Variants in WDR87 observed in about 807,000 individuals in gnomAD.
WDR87 encodes WD repeat-containing protein 87.
Under a neutral mutation model 83.3 loss-of-function variants are expected in WDR87, and 56 were observed. The ratio of observed to expected loss-of-function variants is 0.67; its 90% CI spans 0.54 to 0.84. The LOEUF is 0.84. Among genes scored for constraint, WDR87 ranks in the 40% least tolerant of loss-of-function variants. The probability of loss-of-function intolerance (pLI) is 0.00; values close to 1 mark genes in which losing one functional copy is unlikely to be tolerated. For missense variants in WDR87, 2,939 were observed against 3,431.9 expected, an observed-to-expected ratio of 0.86 and a Z score of 3.59; for synonymous variants, 1,173 against 1,250.6, an observed-to-expected ratio of 0.94 and a Z score of 1.31.
chr19:37,894,261 T>C lies in WDR87; in HGVS notation c.1442A>G (p.His481Arg), dbSNP rs868384081. Residue 481 changes from histidine (H) to arginine (R), a missense_variant, in exon 4 of 6, where the codon CAC (histidine) becomes CGC (arginine). By Grantham distance (29) the His-to-Arg change is conservative. Coordinates refer to ENST00000447313, the MANE Select transcript of WDR87 (RefSeq NM_001291088.2). ...GAGCACTCTTATCACACCACTCTGG[T>C]GCCCAGAGAATATCAGTCCCTCTAG... Reference protein sequence around the residue: ...RGLEGLIFSGHQSGVIRVLSQ... With the variant: ...RGLEGLIFSGRQSGVIRVLSQ... The C allele has an allele frequency of 6.4e-7, 1 of 1,551,778 alleles. No homozygotes were observed. Among genetic ancestry groups the C allele is most frequent in the African/African-American group, 1.4e-5 (1 of 73,158 alleles).
rs1568450079 is a variant in WDR87, at chr19:37,888,754, C to A, written c.4917G>T (p.Glu1639Asp). Residue 1639 changes from glutamate to aspartate, a missense_variant, in exon 6 of 6, where the codon GAG becomes GAT. Around this residue, in one of 3 missense-constraint regions of WDR87, gnomAD observed 2,160 missense variants for 2,533.1 expected, o/e 0.85. Transcript: ENST00000447313. ...QEERKLAQEE[E>D]KLAQEERQLA... is the part of the protein sequence containing the mutation. ...ACTGTCTCTCTTCTTGTGCAAGTTT[C>A]TCTTCTTCTTGTGCTAATTTCCTCT... The A allele has an allele frequency of 6.4e-7, 1 of 1,551,840 alleles. No homozygotes were observed. Among genetic ancestry groups the A allele is most frequent in the Non-Finnish European group, 8.7e-7 (1 of 1,147,058 alleles).
At chr19:37,902,337 C>T (rs1045913691) in intron 1 of WDR87, among the ~76,000 whole-genome samples, 1 of 152,074 alleles carries the variant, frequency 6.6e-6, no homozygotes, top group Admixed American at 6.6e-5. Flanking sequence ...GCCTCAGCCT[C>T]CTGAGTAGCT....
rs2046162449 is a variant in WDR87 at position 37,887,721 on chromosome 19, G to T, written c.5950C>A (p.Gln1984Lys). ...MKLALEKAMV[Q>K]GKKRLRGELD... ...TCTCCTCTGAGCCGTTTCTTTCCTT[G>T]GACCATTGCCTTCTCCAGAGCTAAT... Residue 1984 changes from glutamine to lysine, a missense_variant, in exon 6 of 6, where the codon CAA becomes AAA. Physicochemically the swap from Gln to Lys is moderately conservative, Grantham distance 53. Around this residue, in one of 3 missense-constraint regions of WDR87, gnomAD observed 2,160 missense variants for 2,533.1 expected, o/e 0.85. Coordinates refer to ENST00000447313, the MANE Select transcript of WDR87 (RefSeq NM_001291088.2). 6.4e-7 allele frequency: 1 copy of T among 1,551,626 alleles called. No homozygotes were observed. Among genetic ancestry groups the T allele is most frequent in the African/African-American group, 1.4e-5 (1 of 72,892 alleles).
rs897154786 is a variant in WDR87 at position 37,892,549 on chromosome 19, G to A, written c.3125+29C>T. 7 of 1,454,610 alleles carry A rather than the reference G, an allele frequency of 4.8e-6. No homozygotes were observed. The African/African-American group carries it at 1.0e-4, about 21-fold the overall frequency. 90.1% of individuals were successfully genotyped at this position (1,454,610 alleles called of 1,614,324 possible). On this transcript the variant is annotated intron_variant, in intron 4 of 5. Coordinates refer to ENST00000447313, the MANE Select transcript of WDR87 (RefSeq NM_001291088.2). The stretch of plus-strand genomic sequence containing the variant: ...AAGGAGGGGGAAAATGGCGAATGGG[G>A]TGAAGAATTGAAGGAAGCACAAACT...
chr19:37,895,998 G>T, intron 3 of WDR87, 140 bp downstream of exon 3: 1 of 1,172,474 alleles, frequency 8.5e-7, no homozygotes, highest in Non-Finnish European at 1.2e-6. Flanking sequence ...GACTATAATT[G>T]GAGAAAGGAT....
chr19:37,886,740 C>T lies in WDR87; in HGVS notation c.6931G>A (p.Glu2311Lys). The change falls in exon 6 of 6, where the codon GAG becomes AAG. Residue 2311 changes from glutamate (E) to lysine (K), a missense_variant. Physicochemically the swap from Glu to Lys is moderately conservative, Grantham distance 56 (BLOSUM62 1). Transcript: ENST00000447313. ...EREEEEERKE[E>K]EEGEEKQVEK... The stretch of plus-strand genomic sequence containing the variant: ...ACTTGCTTCTCCTCCCCTTCCTCCT[C>T]CTCCTTCCTTTCCTCCTCCTCCTCC... 11 of 1,457,136 alleles carry T rather than the reference C, an allele frequency of 7.5e-6. No individual in the cohort carries two copies. The highest frequency in any genetic ancestry group is 1.0e-5 in the Non-Finnish European group (11 of 1,078,950). 90.3% of individuals were successfully genotyped at this position (1,457,136 alleles called of 1,614,324 possible).
rs531469861 is a variant in WDR87 at position 37,894,817 on chromosome 19, G to C, written c.886C>G (p.His296Asp). 6.4e-7 allele frequency: 1 copy of C among 1,551,702 alleles called. No homozygotes were observed. The highest frequency in any genetic ancestry group is 2.4e-5 in the East Asian group (1 of 40,920). ...TCACTACCAGCTGTTAGCAGGGTGT[G>C]GGCCTCTGGTCGGCTGCGGATACAG... ...VICIRSRPEA[H>D]TLLTAGSDSL... The change falls in exon 4 of 6, where the codon CAC (histidine) becomes GAC (aspartate). Residue 296 changes from histidine (H) to aspartate (D), a missense_variant. Physicochemically the swap from His to Asp is moderately conservative, Grantham distance 81 (BLOSUM62 -1). Around this residue, in one of 3 missense-constraint regions of WDR87, gnomAD observed 553 missense variants for 577.9 expected, o/e 0.96. Coordinates refer to ENST00000447313, the MANE Select transcript of WDR87 (RefSeq NM_001291088.2).
Position 37,888,502 on chromosome 19 carries a change from C to T in WDR87, c.5169G>A (p.Gly1723=). The change falls in exon 6 of 6, where the codon GGG becomes GGA. Residue 1723 remains glycine, a synonymous_variant. Coordinates refer to ENST00000447313, the MANE Select transcript of WDR87 (RefSeq NM_001291088.2). ...ATATGTTTTTCACCTCAGCCAGTTT[C>T]CCTCCTTTCTTTGCTAGTTTCTCTT... ...REEEKLAKKG[G]KLAEVKNILA... The T allele has an allele frequency of 6.4e-7, 1 of 1,551,668 alleles. No individual in the cohort carries two copies. Among genetic ancestry groups the T allele is most frequent in the Non-Finnish European group, 8.7e-7 (1 of 1,146,980 alleles).
rs761669432 is a variant in WDR87, at chr19:37,891,753, G to C, written c.3193C>G (p.Leu1065Val). ...LGMRATDLQI[L>V]STQVEQRLNE... is the part of the protein sequence containing the mutation. ...AATCTCTGCTCCACTTGAGTGGAAA[G>C]GATTTGGAGATCTGTGGCCCGCATC... Residue 1065 changes from leucine (L) to valine (V), a missense_variant, in exon 5 of 6, where the codon CTT (leucine) becomes GTT (valine). Leu to Val is a conservative substitution (Grantham distance 32). Around this residue, in one of 3 missense-constraint regions of WDR87, gnomAD observed 2,160 missense variants for 2,533.1 expected, o/e 0.85. Transcript: ENST00000447313. 3 of 1,552,232 alleles carry C rather than the reference G, an allele frequency of 1.9e-6. No individual in the cohort carries two copies. Among genetic ancestry groups the C allele is most frequent in the Non-Finnish European group, 2.6e-6 (3 of 1,147,126 alleles).
chr19:37,905,726 T>A (rs764058775), intron 1 of WDR87, among the ~76,000 whole-genome samples: 3 of 152,126 alleles, frequency 2.0e-5, no homozygotes, highest in Non-Finnish European at 4.4e-5. Flanking sequence ...TAGCTAGTTT[T>A]TTAGTTTTAG....
Position 37,895,409 on chromosome 19 carries a change from T to C in WDR87, c.294A>G (p.Arg98=). The C allele has an allele frequency of 6.4e-7, 1 of 1,551,696 alleles. No homozygotes were observed. The highest frequency in any genetic ancestry group is 8.7e-7 in the Non-Finnish European group (1 of 1,147,012). Residue 98 remains arginine, a synonymous_variant, in exon 4 of 6, where the codon AGA becomes AGG. Transcript: ENST00000447313. ...GCAATCGTTCAGTCATGGAGAATGTTCTTTTCTCAACCATGTCCTCAGTTT... is the reference window on the plus strand; with the variant it reads ...GCAATCGTTCAGTCATGGAGAATGTCCTTTTCTCAACCATGTCCTCAGTTT... ...KSKTEDMVEK[R]TFSMTERLPP...
At chr19:37,899,918 C>G (rs2046283404) in intron 1 of WDR87, among the ~76,000 whole-genome samples, 1 of 152,222 alleles carries the variant, frequency 6.6e-6, no homozygotes, top group Non-Finnish European at 1.5e-5. Flanking sequence ...ACCGTTGCAC[C>G]TTGCTTCAAC....
At position 37,885,964 on chromosome 19, in the gene WDR87, A is replaced by G; in HGVS notation, c.7707T>C (p.His2569=). Residue 2569 remains histidine (H), a synonymous_variant, in exon 6 of 6, where the codon CAT becomes CAC. Transcript: ENST00000447313. The stretch of plus-strand genomic sequence containing the variant: ...CTCCCGCTTCCATTCGTTCTAGGAC[A>G]TGGCGGATCCACTCTACATCTGAGA... ...VSLSDVEWIR[H]VLERMEAGEQ... The G allele has an allele frequency of 6.4e-7, 1 of 1,552,180 alleles. No homozygotes were observed. The highest frequency in any genetic ancestry group is 8.7e-7 in the Non-Finnish European group (1 of 1,147,090).
chr19:37,893,148 T>C lies in WDR87; in HGVS notation c.2555A>G (p.Glu852Gly). The change falls in exon 4 of 6, where the codon GAG becomes GGG. Residue 852 changes from glutamate to glycine, a missense_variant. This residue lies in a region of WDR87 where 2,160 missense variants were observed against 2,533.1 expected (regional missense o/e 0.85). Transcript: ENST00000447313. ...LQCNLHAPQR[E>G]LEWDRSQEFF... ...TTCTTGAGACCTGTCCCATTCCAGC[T>C]CCCGCTGGGGTGCATGCAGGTTGCA... The C allele has an allele frequency of 6.4e-7, 1 of 1,551,928 alleles. No individual in the cohort carries two copies. Among genetic ancestry groups the C allele is most frequent in the South Asian group, 1.2e-5 (1 of 84,060 alleles).
chr19:37,891,642 G>A lies in WDR87; in HGVS notation c.3304C>T (p.Leu1102=). The A allele has an allele frequency of 6.4e-7, 1 of 1,551,918 alleles. No individual in the cohort carries two copies. Among genetic ancestry groups the A allele is most frequent in the Non-Finnish European group, 8.7e-7 (1 of 1,147,050 alleles). The change falls in exon 5 of 6, where the codon CTG becomes TTG. Residue 1102 remains leucine, a synonymous_variant. Transcript: ENST00000447313. ...TCTTCAGAAACTGTAGGAGGTTTCA[G>A]GGAGGATTTAAGTTCAGAAGGCATT... ...VSMPSELKSS[L]KPPTVSEESE... is the part of the protein sequence containing the mutation.
Position 37,887,972 on chromosome 19 carries a change from A to G in WDR87, c.5699T>C (p.Leu1900Pro). The G allele has an allele frequency of 6.5e-7, 1 of 1,550,322 alleles. No individual in the cohort carries two copies. Among genetic ancestry groups the G allele is most frequent in the East Asian group, 2.4e-5 (1 of 40,896 alleles). The part of the protein sequence containing the change: ...EKLAQRKENL[L>P]YNKERLTHSK... ...GTGGGTGAGTCTTTCTTTATTATAG[A>G]GTAGGTTCTCTTTCCTCTGAGCCAA... Residue 1900 changes from leucine to proline, a missense_variant, in exon 6 of 6, where the codon CTC becomes CCC. By Grantham distance (98) the Leu-to-Pro change is moderately conservative (BLOSUM62 -3). Around this residue, in one of 3 missense-constraint regions of WDR87, gnomAD observed 2,160 missense variants for 2,533.1 expected, o/e 0.85. Transcript: ENST00000447313.
At position 37,893,666 on chromosome 19, in the gene WDR87, G is replaced by A; in HGVS notation, c.2037C>T (p.Pro679=). 1 of 1,552,032 alleles carries A rather than the reference G, an allele frequency of 6.4e-7. No individual in the cohort carries two copies. The highest frequency in any genetic ancestry group is 8.7e-7 in the Non-Finnish European group (1 of 1,147,092). Residue 679 remains proline, a synonymous_variant, in exon 4 of 6, where the codon CCC becomes CCT. Transcript: ENST00000447313. ...AGGAAAGGCGAGTCAGCAGGGCTGG[G>A]GGAAGCAATTTTAAACAGGACACTA... ...LYLVSCLKLL[P]PALLTRLSFM...
rs569600271 is a variant in WDR87 at position 37,894,782 on chromosome 19, G to A, written c.921C>T (p.Ile307=). The A allele has an allele frequency of 7.9e-5, 123 of 1,551,726 alleles. 1 individual carries two copies. The South Asian group carries it at 1.2e-3, about 15-fold the overall frequency. The change falls in exon 4 of 6, where the codon ATC becomes ATT. Residue 307 remains isoleucine (I), a synonymous_variant. Coordinates refer to ENST00000447313, the MANE Select transcript of WDR87 (RefSeq NM_001291088.2). Reference sequence around the variant, plus strand: ...TCCCTGAAGTCAGGTTCCACTCCTTGATTAGGCTGTCACTACCAGCTGTTA... The same window carrying A: ...TCCCTGAAGTCAGGTTCCACTCCTTAATTAGGCTGTCACTACCAGCTGTTA... ...TLLTAGSDSL[I]KEWNLTSGSL...
rs920527485 is a variant in WDR87, at chr19:37,889,682, C to T, written c.3989G>A (p.Cys1330Tyr). The change falls in exon 6 of 6, where the codon TGC becomes TAC. Residue 1330 changes from cysteine (C) to tyrosine (Y), a missense_variant. Physicochemically the swap from Cys to Tyr is radical, Grantham distance 194. Coordinates refer to ENST00000447313, the MANE Select transcript of WDR87 (RefSeq NM_001291088.2). ...HPSWELFQEI[C>Y]PLLKKESKVL... ...CTTACTTTCTTTCTTCAATAGGGGG[C>T]AGATCTCCTGAAAGAGTTCCCAGCT... The T allele has an allele frequency of 2.6e-6, 4 of 1,551,764 alleles. No homozygotes were observed. The highest frequency in any genetic ancestry group is 3.5e-6 in the Non-Finnish European group (4 of 1,147,026).
Sources: gnomAD v4.1 joint callset for allele counts (sites outside exome capture counted in the v4.1 genomes callset) on GRCh38, gnomAD v4.1.1 for gene constraint, gnomAD v4.1.1 regional missense constraint, MANE v1.5 for transcripts, NCBI Gene and HGNC (gene_info 2026-07-23, HGNC 2026-07-21) for gene names.